The following KDM1A variants were observed in gnomAD, a reference collection of about 807,000 sequenced individuals.
KDM1A encodes lysine demethylase 1A.
KDM1A carries 49 observed loss-of-function variants against 109.4 expected under a neutral mutation model. The observed-to-expected ratio is 0.45, with a 90% CI of 0.36 to 0.57. The LOEUF (loss-of-function observed/expected upper bound fraction) is 0.57, where lower values mean the gene tolerates loss of function less well. Among genes scored for constraint, KDM1A ranks in the 20% least tolerant of loss-of-function variants. The pLI, the probability that KDM1A is intolerant of heterozygous loss-of-function variation, is 0.00. For synonymous variants in KDM1A, 380 were observed against 415.4 expected (o/e 0.91, Z 1.04); for missense variants, 668 against 1,116.6 (o/e 0.60, Z 5.73).
At chr1:23,028,321 C>T (rs12128178) in intron 1 of KDM1A, among the ~76,000 whole-genome samples, 56,762 of 152,044 alleles carry the variant, frequency 0.37, 13,006 homozygotes, top group East Asian at 0.55. Flanking sequence ...TGAGCCACCA[C>T]GCCCAGCCTT....
intron 10 of KDM1A, 27 bp downstream of exon 10, chr1:23,066,098 A>G: frequency 6.8e-7 from 1 of 1,474,646 alleles, no homozygotes; most frequent in East Asian, 2.3e-5. Flanking sequence ...TTTTCAAATC[A>G]TTTTCCTCAC....
intron 13 of KDM1A, 24 bp from the exon 14 acceptor site, chr1:23,072,100 T>G (rs1643338016): frequency 6.6e-7 from 1 of 1,510,344 alleles, no homozygotes; most frequent in Non-Finnish European, 9.2e-7. Flanking sequence ...TCAGGGTAAC[T>G]CAGGTTCACT....
Position 23,083,445 on chromosome 1 carries a change from A to G in KDM1A, c.*81A>G. 1 of 1,382,356 alleles carries G rather than the reference A, an allele frequency of 7.2e-7. No homozygotes were observed. Among genetic ancestry groups the G allele is most frequent in the South Asian group, 1.5e-5 (1 of 66,242 alleles). The allele number at this position is 1,382,356 out of a possible 1,614,324, so 85.6% of individuals were successfully genotyped here. Reference sequence around the variant, plus strand: ...GGCTCTTCTAGCAATACTAGATCCCACTGAGAAAATCCACCCTGGCATCTG... The same window carrying G: ...GGCTCTTCTAGCAATACTAGATCCCGCTGAGAAAATCCACCCTGGCATCTG... On this transcript the variant is annotated 3_prime_UTR_variant, in exon 21 of 21. Transcript: ENST00000400181.
intron 18 of KDM1A, chr1:23,081,208 G>A (rs1643611507): frequency 2.1e-6 from 1 of 469,692 alleles, no homozygotes. Context: ...GTTAGAAGCA[G>A]TGAGGTGCCT....
intron 2 of KDM1A, among the ~76,000 whole-genome samples, chr1:23,039,535 T>C (rs1487940557): frequency 6.6e-6 from 1 of 152,236 alleles, no homozygotes; most frequent in African/African-American, 2.4e-5. Flanking sequence ...TTTCCTTCAT[T>C]ACTACTAAAA....
At chr1:23,036,210 A>C (rs1642139078) in intron 2 of KDM1A, among the ~76,000 whole-genome samples, 1 of 152,146 alleles carries the variant, frequency 6.6e-6, no homozygotes, top group African/African-American at 2.4e-5. Context: ...GGATTGACTC[A>C]GATTACCACC....
intron 9 of KDM1A, 139 bp from the exon 10 acceptor site, chr1:23,065,921 C>A: frequency 1.6e-6 from 2 of 1,244,414 alleles, no homozygotes; most frequent in Non-Finnish European, 2.2e-6. Flanking sequence ...GTGGTTGCAG[C>A]TTCTGAGCTA....
At chr1:23,063,877 A>G (rs953522070) in intron 9 of KDM1A, among the ~76,000 whole-genome samples, 1 of 152,138 alleles carries the variant, frequency 6.6e-6, no homozygotes, top group African/African-American at 2.4e-5. Context: ...AACAGTCTCT[A>G]TAGAATCACA....
intron 14 of KDM1A, 25 bp from the exon 15 acceptor site, chr1:23,073,267 C>T: frequency 8.4e-7 from 1 of 1,187,164 alleles, no homozygotes; most frequent in South Asian, 1.2e-5. Flanking sequence ...TTTTAATAAT[C>T]CTGTAGTCCT....
At chr1:23,073,708 T>C (rs2124524381) in intron 15 of KDM1A, among the ~76,000 whole-genome samples, 1 of 152,352 alleles carries the variant, frequency 6.6e-6, no homozygotes, top group African/African-American at 2.4e-5. Flanking sequence ...ATCACTGTAA[T>C]TTTGTTTATT....
intron 2 of KDM1A, among the ~76,000 whole-genome samples, chr1:23,041,535 C>T (rs1360157995): frequency 2.7e-5 from 4 of 147,902 alleles, no homozygotes; most frequent in Admixed American, 6.9e-5. Context: ...CTCCACCTCC[C>T]GAGTTCAAGC....
At position 23,050,687 on chromosome 1, in the gene KDM1A, A is replaced by T. The variant is rs533135614; in HGVS notation, c.711+167A>T. ...ATAGTTATTTTTCATTTGGGTATTT[A>T]AAAAATGTATATATAATTTTTGTTT... is the stretch of plus-strand genomic sequence containing the variant. On this transcript the variant is annotated intron_variant, in intron 4 of 20. Coordinates refer to ENST00000400181, the MANE Select transcript of KDM1A (RefSeq NM_001009999.3). 2.2e-3 allele frequency among the ~76,000 whole-genome samples: 330 copies of T among 152,350 alleles called. 1 individual carries two copies. Among genetic ancestry groups the T allele is most frequent in the African/African-American group, 7.4e-3 (306 of 41,578 alleles).
In KDM1A at chr1:23,019,518, A is replaced by C; in HGVS notation, c.-79A>C. The stretch of plus-strand genomic sequence containing the variant: ...GGCGGCGCGCGGGCAGCGTGAAGCG[A>C]GGCGAGGCAAGGCTTTTCGGACCCA... On this transcript the variant is annotated 5_prime_UTR_variant, in exon 1 of 21. Transcript: ENST00000400181. The C allele has an allele frequency of 1.5e-6, 2 of 1,311,804 alleles. No individual in the cohort carries two copies. The highest frequency in any genetic ancestry group is 1.9e-6 in the Non-Finnish European group (2 of 1,030,754). 81.3% of individuals were successfully genotyped at this position (1,311,804 alleles called of 1,614,324 possible).
At chr1:23,072,232 G>C in intron 14 of KDM1A, 35 bp downstream of exon 14, 17 of 1,432,914 alleles carry the variant, frequency 1.2e-5, no homozygotes, top group Non-Finnish European at 1.6e-5. Flanking sequence ...CAGAGGGAGA[G>C]CTTTTACTGT....
At chr1:23,034,123 A>G (rs75702621) in intron 2 of KDM1A, among the ~76,000 whole-genome samples, 6,069 of 152,258 alleles carry the variant, frequency 0.04, 414 homozygotes, top group African/African-American at 0.14. Flanking sequence ...TTGTAGTCCT[A>G]TGGTAGTCAA....
intron 1 of KDM1A, among the ~76,000 whole-genome samples, chr1:23,024,744 A>G (rs2124343420): frequency 6.6e-6 from 1 of 152,366 alleles, no homozygotes; most frequent in African/African-American, 2.4e-5. Context: ...TGTTCTGGAA[A>G]AGGGTGGACT....
intron 3 of KDM1A, among the ~76,000 whole-genome samples, chr1:23,046,227 T>C (rs1642500715): frequency 6.6e-6 from 1 of 152,174 alleles, no homozygotes; most frequent in South Asian, 2.1e-4. Flanking sequence ...CCTTACACCC[T>C]TAGAATCCTT....
chr1:23,028,781 G>C (rs1343575134), intron 1 of KDM1A, among the ~76,000 whole-genome samples: 1 of 151,800 alleles, frequency 6.6e-6, no homozygotes, highest in Non-Finnish European at 1.5e-5. Context: ...TTAGGATAAA[G>C]TTTAGTATAA....
At chr1:23,026,216 T>C (rs1641795661) in intron 1 of KDM1A, among the ~76,000 whole-genome samples, 1 of 152,324 alleles carries the variant, frequency 6.6e-6, no homozygotes, top group South Asian at 2.1e-4. Context: ...ATGGGAAAAT[T>C]AATCTGGCAG....
Sources: allele counts gnomAD v4.1 joint callset (sites outside exome capture counted in the v4.1 genomes callset), GRCh38; gene constraint gnomAD v4.1.1; transcripts MANE v1.5; gene names NCBI Gene and HGNC (gene_info 2026-07-23, HGNC 2026-07-21).